TAF3: variants seen among roughly 807,000 people sequenced by gnomAD.
The protein encoded by TAF3 is transcription initiation factor TFIID subunit 3.
In TAF3, 7 loss-of-function variants were observed where a neutral mutation model predicts 80.6. That is an observed-to-expected ratio of 0.09 (90% confidence interval 0.05 to 0.16). TAF3 has a LOEUF of 0.16. TAF3 is among the 10% of genes least tolerant of loss of function. The probability of loss-of-function intolerance (pLI) is 1.00; values close to 1 mark genes in which losing one functional copy is unlikely to be tolerated. For missense variants in TAF3, 921 were observed against 1,140.2 expected, an observed-to-expected ratio of 0.81 and a Z score of 2.77; for synonymous variants, 444 against 446.1, an observed-to-expected ratio of 1.00 and a Z score of 0.06.
intron 1 of TAF3, among the ~76,000 whole-genome samples, chr10:7,821,057 GA>G (rs1836685441): frequency 6.6e-6 from 1 of 152,144 alleles, no homozygotes; most frequent in Non-Finnish European, 1.5e-5. Context: ...ATACAAAACA[GA>G]AGGGAGCTGC....
intron 2 of TAF3, among the ~76,000 whole-genome samples, chr10:7,901,489 T>C (rs1436542369): frequency 6.6e-6 from 1 of 152,244 alleles, no homozygotes; most frequent in Non-Finnish European, 1.5e-5. Context: ...CAACCAACCA[T>C]TGAAAACTAC....
At chr10:7,874,464 A>G (rs1837296277) in intron 2 of TAF3, among the ~76,000 whole-genome samples, 2 of 152,194 alleles carry the variant, frequency 1.3e-5, no homozygotes, top group South Asian at 2.1e-4. Flanking sequence ...AATAGTGTGG[A>G]AAAAAAGACC....
intron 2 of TAF3, among the ~76,000 whole-genome samples, chr10:7,891,269 T>A (rs533006021): frequency 4.0e-4 from 61 of 152,360 alleles, no homozygotes; most frequent in Middle Eastern, 3.4e-3. Flanking sequence ...CATCTTTTAT[T>A]GATTTATTTG....
chr10:7,823,634 CT>C (rs71515490), intron 1 of TAF3, among the ~76,000 whole-genome samples: 62 of 135,894 alleles, frequency 4.6e-4, no homozygotes, highest in South Asian at 9.5e-4. Flanking sequence ...GATGCCATCT[CT>C]TTTTTTTTTT....
chr10:8,008,085 G>C (rs148940697), intron 4 of TAF3, among the ~76,000 whole-genome samples: 33 of 145,428 alleles, frequency 2.3e-4, no homozygotes, highest in African/African-American at 8.0e-4. Context: ...GCCCGTCTGG[G>C]AACAATCTTT....
At chr10:8,010,342 T>C (rs1832042358) in intron 5 of TAF3, among the ~76,000 whole-genome samples, 1 of 152,258 alleles carries the variant, frequency 6.6e-6, no homozygotes, top group African/African-American at 2.4e-5. Flanking sequence ...GATATGACTA[T>C]ATGCATATAT....
intron 2 of TAF3, among the ~76,000 whole-genome samples, chr10:7,853,034 G>T (rs913703676): frequency 2.6e-5 from 4 of 152,080 alleles, no homozygotes; most frequent in African/African-American, 9.7e-5. Flanking sequence ...TGTTCAAATT[G>T]TCCCATCTTT....
At chr10:7,900,074 T>C (rs576214041) in intron 2 of TAF3, among the ~76,000 whole-genome samples, 3 of 152,210 alleles carry the variant, frequency 2.0e-5, no homozygotes, top group Non-Finnish European at 4.4e-5. Flanking sequence ...TGAAAAGATA[T>C]CCATCCTGTG....
At chr10:7,909,106 C>T (rs1428388751) in intron 2 of TAF3, among the ~76,000 whole-genome samples, 1 of 152,230 alleles carries the variant, frequency 6.6e-6, no homozygotes, top group Middle Eastern at 3.2e-3. Context: ...TGCCAGGGGC[C>T]ATTGCTGGAA....
At chr10:7,872,236 T>C (rs912258022) in intron 2 of TAF3, among the ~76,000 whole-genome samples, 1 of 142,252 alleles carries the variant, frequency 7.0e-6, no homozygotes, top group Non-Finnish European at 1.6e-5. Context: ...TTTTTTTTCT[T>C]TCTTTCCCAG....
intron 2 of TAF3, among the ~76,000 whole-genome samples, chr10:7,858,600 A>C (rs183843510): frequency 6.6e-6 from 1 of 152,168 alleles, no homozygotes; most frequent in Non-Finnish European, 1.5e-5. Context: ...TAGATTATTA[A>C]CTAAGTTCAG....
rs1259297507 is a variant in TAF3, at chr10:7,884,342, C to T, written c.409+59782C>T. Among the ~76,000 whole-genome samples, 3 of 151,222 alleles carry T rather than the reference C, an allele frequency of 2.0e-5. No homozygotes were observed. The East Asian group carries it at 5.8e-4, about 29-fold the overall frequency. ...GAAGATGATCTAGGCTCTTCTTGTA[C>T]TTCCAGCTTTAGCCCTGGAAGCAGC... On this transcript the variant is annotated intron_variant, in intron 2 of 6. Transcript: ENST00000344293.
intron 2 of TAF3, among the ~76,000 whole-genome samples, chr10:7,942,139 T>C (rs1404756673): frequency 6.6e-6 from 1 of 152,166 alleles, no homozygotes; most frequent in Non-Finnish European, 1.5e-5. Flanking sequence ...GTTATGTTCT[T>C]ATAATTCTGA....
intron 2 of TAF3, among the ~76,000 whole-genome samples, chr10:7,879,339 G>A (rs1460679944): frequency 2.6e-5 from 4 of 151,974 alleles, no homozygotes; most frequent in Admixed American, 1.3e-4. Flanking sequence ...TTAATGAAAC[G>A]TAACTATGGT....
chr10:7,915,996 A>G (rs932473134), intron 2 of TAF3, among the ~76,000 whole-genome samples: 1 of 151,852 alleles, frequency 6.6e-6, no homozygotes, highest in Admixed American at 6.6e-5. Flanking sequence ...AAAAAAAAAA[A>G]CCATGTAGTT....
chr10:7,962,517 A>G (rs998991770), intron 2 of TAF3, among the ~76,000 whole-genome samples: 31 of 152,194 alleles, frequency 2.0e-4, no homozygotes, highest in Admixed American at 1.8e-3. Flanking sequence ...ATCTGGATGC[A>G]ATTTTACTAA....
chr10:7,925,169 G>A (rs1564364571), intron 2 of TAF3, among the ~76,000 whole-genome samples: 1 of 152,180 alleles, frequency 6.6e-6, no homozygotes, highest in African/African-American at 2.4e-5. Flanking sequence ...CTTCAAAAAT[G>A]TGTACTTGAC....
At chr10:7,917,430 C>T (rs994598942) in intron 2 of TAF3, among the ~76,000 whole-genome samples, 1 of 152,142 alleles carries the variant, frequency 6.6e-6, no homozygotes, top group Non-Finnish European at 1.5e-5. Context: ...TGTGGCAGGA[C>T]TGAATCTAGA....
intron 2 of TAF3, among the ~76,000 whole-genome samples, chr10:7,915,853 C>T (rs1025109520): frequency 6.6e-6 from 1 of 151,402 alleles, no homozygotes; most frequent in African/African-American, 2.4e-5. Context: ...GTGGTGGGCA[C>T]CTGTAATCCA....
Sources: allele counts gnomAD v4.1 joint callset (sites outside exome capture counted in the v4.1 genomes callset), GRCh38; gene constraint gnomAD v4.1.1; transcripts MANE v1.5; gene names NCBI Gene and HGNC (gene_info 2026-07-23, HGNC 2026-07-21).